TEAD3: variants seen among roughly 807,000 people sequenced by gnomAD.
TEAD3 encodes the protein TEA domain transcription factor 3.
In TEAD3, 15 loss-of-function variants were observed where a neutral mutation model predicts 55.6. The observed-to-expected ratio is 0.27, with a 90% CI of 0.18 to 0.42. The LOEUF is 0.42. Ranked by LOEUF, TEAD3 falls within the 10% of genes least tolerant of loss-of-function variation. TEAD3 has a pLI of 1.00. For missense variants in TEAD3, 407 were observed against 576.8 expected (o/e 0.71, Z 3.01); for synonymous variants, 210 against 232.2 (o/e 0.90, Z 0.87).
In TEAD3 at chr6:35,493,880, T is replaced by G. The variant is rs1011564204; in HGVS notation, c.-50+3018A>C. 1.6e-4 allele frequency among the ~76,000 whole-genome samples: 24 copies of G among 152,324 alleles called. 1 individual carries two copies. Among genetic ancestry groups the G allele is most frequent in the Admixed American group, 5.2e-4 (8 of 15,298 alleles). ...AGTGTCATCTCCAGGTACACACAGA[T>G]GGCTAGGCAGCCAGCTTCCTTCATC... On this transcript the variant is annotated intron_variant, in intron 1 of 12. Transcript: ENST00000639578.
At chr6:35,493,876 C>G (rs891804197) in intron 1 of TEAD3, among the ~76,000 whole-genome samples, 1 of 152,256 alleles carries the variant, frequency 6.6e-6, no homozygotes, top group Non-Finnish European at 1.5e-5. Flanking sequence ...CAGGTACACA[C>G]AGATGGCTAG....
At position 35,478,408 on chromosome 6, in the gene TEAD3, C is replaced by A. The variant is rs781388455; in HGVS notation, c.480+26G>T. ...CATCCTTTACAGCACACCCCCACAC[C>A]AGCCCACCTCCTGGGACCCATGTAC... On this transcript the variant is annotated intron_variant, in intron 6 of 12. Coordinates refer to ENST00000639578, the Ensembl canonical transcript of TEAD3. The A allele has an allele frequency of 6.2e-6, 10 of 1,613,626 alleles. No homozygotes were observed. In the South Asian group the frequency reaches 1.1e-4, roughly 18 times the overall value.
At chr6:35,481,392 T>C (rs555835539) in intron 3 of TEAD3, among the ~76,000 whole-genome samples, 2 of 152,270 alleles carry the variant, frequency 1.3e-5, no homozygotes, top group South Asian at 2.1e-4. Flanking sequence ...GAGTTGTTTT[T>C]ACTCCCACAA....
At chr6:35,479,850 A>T (rs533052209) in intron 4 of TEAD3, among the ~76,000 whole-genome samples, 1 of 152,352 alleles carries the variant, frequency 6.6e-6, no homozygotes, top group African/African-American at 2.4e-5. Context: ...AACAGAGAAG[A>T]GGAGGGGTGG....
chr6:35,488,416 C>T lies in TEAD3; in HGVS notation c.-49-1705G>A, dbSNP rs950727619. Among the ~76,000 whole-genome samples, 2 of 152,154 alleles carry T rather than the reference C, an allele frequency of 1.3e-5. No individual in the cohort carries two copies. The highest frequency in any genetic ancestry group is 2.9e-5 in the Non-Finnish European group (2 of 68,026). ...ACTCACCCCAAATCCCCTTCAGCCCCAGAACCCACATGTCCAATGTATTCA... is the reference window on the plus strand; with the variant it reads ...ACTCACCCCAAATCCCCTTCAGCCCTAGAACCCACATGTCCAATGTATTCA... On this transcript the variant is annotated intron_variant, in intron 1 of 12. Coordinates refer to ENST00000639578, the Ensembl canonical transcript of TEAD3. This position sits in a 1 kb window ranked among gnomAD's most constrained non-coding sequence, Gnocchi z 4.2.
At chr6:35,487,771 A>C (rs1187021318) in intron 1 of TEAD3, among the ~76,000 whole-genome samples, 1 of 152,164 alleles carries the variant, frequency 6.6e-6, no homozygotes, top group East Asian at 1.9e-4. Context: ...ACAACAACAA[A>C]AAACACTAAA....
chr6:35,486,647 A>G lies in TEAD3; in HGVS notation c.16T>C (p.Trp6Arg). 1.2e-6 allele frequency: 2 copies of G among 1,612,702 alleles called. No individual in the cohort carries two copies. Among genetic ancestry groups the G allele is most frequent in the Non-Finnish European group, 1.7e-6 (2 of 1,179,692 alleles). ...TCCCCGGGGCTGCTGCTGGCGTTCC[A>G]GCTGTTGGACGCTATTGTGCTGGTT... The change falls in exon 2 of 13, where the codon TGG (tryptophan) becomes CGG (arginine). Residue 6 changes from tryptophan (W) to arginine (R), a missense_variant. Coordinates refer to ENST00000639578, the Ensembl canonical transcript of TEAD3. This position sits in a 1 kb window ranked among gnomAD's most constrained non-coding sequence, Gnocchi z 7.3.
In TEAD3 at chr6:35,480,298, G is replaced by A. The variant is rs1050712473; in HGVS notation, c.268-176C>T. On this transcript the variant is annotated intron_variant, in intron 3 of 12. Coordinates refer to ENST00000639578, the Ensembl canonical transcript of TEAD3. Reference sequence around the variant, plus strand: ...CCAGGAGGGCTGAAGGCCCCCGCCAGGCACCCAACATACCTTGATGCCAAC... The same window carrying A: ...CCAGGAGGGCTGAAGGCCCCCGCCAAGCACCCAACATACCTTGATGCCAAC... 5.0e-6 allele frequency: 8 copies of A among 1,613,134 alleles called. No homozygotes were observed. In the Admixed American group the frequency reaches 8.3e-5, roughly 17 times the overall value.
intron 1 of TEAD3, among the ~76,000 whole-genome samples, chr6:35,495,542 C>G (rs1334666444): frequency 6.6e-6 from 1 of 152,152 alleles, no homozygotes; most frequent in Non-Finnish European, 1.5e-5. Context: ...CCTGGAAGAT[C>G]TGTGCACTCT....
At chr6:35,487,708 G>A (rs1768415527) in intron 1 of TEAD3, among the ~76,000 whole-genome samples, 1 of 151,704 alleles carries the variant, frequency 6.6e-6, no homozygotes, top group Non-Finnish European at 1.5e-5. Context: ...GGGTGACAGA[G>A]CAGACCTTGT....
chr6:35,480,524 G>C, intron 3 of TEAD3, 150 bp from the exon 4 acceptor site: 1 of 788,760 alleles, frequency 1.3e-6, no homozygotes, highest in Non-Finnish European at 2.1e-6. Context: ...TTTGAAACAG[G>C]GTTTATGTTG....
Position 35,491,696 on chromosome 6 carries a change from C to T in TEAD3, c.-49-4985G>A, listed in dbSNP as rs546128704. Among the ~76,000 whole-genome samples, 7 of 152,344 alleles carry T rather than the reference C, an allele frequency of 4.6e-5. No individual in the cohort carries two copies. In the East Asian group the frequency reaches 5.8e-4, roughly 13 times the overall value. ...CACCCTCATCCTGACCAGCCACACCCGCTTCCCCTCTCCCAGGGCCCTCAG... is the reference window on the plus strand; with the variant it reads ...CACCCTCATCCTGACCAGCCACACCTGCTTCCCCTCTCCCAGGGCCCTCAG... On this transcript the variant is annotated intron_variant, in intron 1 of 12. Transcript: ENST00000639578. This position sits in a 1 kb window ranked among gnomAD's most constrained non-coding sequence, Gnocchi z 4.4.
intron 3 of TEAD3, 77 bp downstream of exon 4, chr6:35,480,235 G>C (rs1581723837): frequency 1.3e-6 from 2 of 1,571,452 alleles, no homozygotes; most frequent in Admixed American, 1.9e-5. Flanking sequence ...CCAAGGAAAG[G>C]CCTGAGCTAT....
rs1768672000 is a variant in TEAD3, at chr6:35,496,739, C to G, written c.-50+159G>C. Reference sequence around the variant, plus strand: ...TTCCCGGAGAGATTTTCCCCCTTCCCTCTAAACTTCCCGGCACCCCGATCC... The same window carrying G: ...TTCCCGGAGAGATTTTCCCCCTTCCGTCTAAACTTCCCGGCACCCCGATCC... On this transcript the variant is annotated intron_variant, in intron 1 of 12. Coordinates refer to ENST00000639578, the Ensembl canonical transcript of TEAD3. The surrounding 1 kb of genome is among the most constrained non-coding windows in gnomAD (Gnocchi z 4.8). Among the ~76,000 whole-genome samples the G allele has an allele frequency of 6.6e-6, 1 of 151,902 alleles. No individual in the cohort carries two copies. The highest frequency in any genetic ancestry group is 1.5e-5 in the Non-Finnish European group (1 of 67,914).
rs956123288 is a variant in TEAD3, at chr6:35,491,984, A to G, written c.-50+4914T>C. On this transcript the variant is annotated intron_variant, in intron 1 of 12. Coordinates refer to ENST00000639578, the Ensembl canonical transcript of TEAD3. This position sits in a 1 kb window ranked among gnomAD's most constrained non-coding sequence, Gnocchi z 4.4. Reference sequence around the variant, plus strand: ...CTGTAGCTCCCTTTAGGGGCCCCAGAGCCACTGCCTTGGTAGGAGGCACAG... The same window carrying G: ...CTGTAGCTCCCTTTAGGGGCCCCAGGGCCACTGCCTTGGTAGGAGGCACAG... Among the ~76,000 whole-genome samples the G allele has an allele frequency of 2.0e-5, 3 of 152,098 alleles. No individual in the cohort carries two copies. The highest frequency in any genetic ancestry group is 4.4e-5 in the Non-Finnish European group (3 of 67,996).
At position 35,488,330 on chromosome 6, in the gene TEAD3, C is replaced by A. The variant is rs1458986929; in HGVS notation, c.-49-1619G>T. Among the ~76,000 whole-genome samples the A allele has an allele frequency of 3.9e-5, 6 of 152,086 alleles. No individual in the cohort carries two copies. Among genetic ancestry groups the A allele is most frequent in the Non-Finnish European group, 8.8e-5 (6 of 68,030 alleles). On this transcript the variant is annotated intron_variant, in intron 1 of 12. Transcript: ENST00000639578. This position sits in a 1 kb window ranked among gnomAD's most constrained non-coding sequence, Gnocchi z 4.2. The stretch of plus-strand genomic sequence containing the variant: ...CTCTGTAAACTGTGAGTGCCCTGAA[C>A]CTGCCAGGCTATTAATTTGGACCAC...
In TEAD3 at chr6:35,481,972, T is replaced by C. The variant is rs77939207; in HGVS notation, c.268-1850A>G. 2.9e-3 allele frequency among the ~76,000 whole-genome samples: 440 copies of C among 152,356 alleles called. 3 individuals carry two copies. Among genetic ancestry groups the C allele is most frequent in the African/African-American group, 9.7e-3 (402 of 41,580 alleles). ...TATCTGTAAAAACCTAAAACTGCAT[T>C]TCTTTGCCAAAAGTAATTTTTTCTT... On this transcript the variant is annotated intron_variant, in intron 3 of 12. Transcript: ENST00000639578.
At chr6:35,478,595 G>A in intron 5 of TEAD3, 24 bp from the exon 6 acceptor site, 1 of 1,567,378 alleles carries the variant, frequency 6.4e-7, no homozygotes, top group South Asian at 1.2e-5. Flanking sequence ...GCTGCATGAA[G>A]CCAGGGCCAC....
At chr6:35,481,805 T>A (rs1024607831) in intron 3 of TEAD3, among the ~76,000 whole-genome samples, 1 of 152,170 alleles carries the variant, frequency 6.6e-6, no homozygotes, top group Non-Finnish European at 1.5e-5. Flanking sequence ...CAGGACTCAC[T>A]TGGACCCTTA....
Sources: allele counts gnomAD v4.1 joint callset (sites outside exome capture counted in the v4.1 genomes callset), GRCh38; gene constraint gnomAD v4.1.1; non-coding constraint Gnocchi (gnomAD v3.1); transcripts MANE v1.5; gene names NCBI Gene and HGNC (gene_info 2026-07-23, HGNC 2026-07-21).